GNAQ: variants seen among roughly 807,000 people sequenced by gnomAD.
The protein encoded by GNAQ is G protein subunit alpha q, also known as guanine nucleotide-binding protein G(q) subunit alpha.
A neutral mutation model predicts 43.9 loss-of-function variants in GNAQ; 8 were observed. That is an observed-to-expected ratio of 0.18 (90% CI 0.11 to 0.33). The LOEUF is 0.33. GNAQ is among the 10% of genes least tolerant of loss of function. The pLI, the probability that GNAQ is intolerant of heterozygous loss-of-function variation, is 1.00. For synonymous variants in GNAQ, 155 were observed against 170.7 expected, an observed-to-expected ratio of 0.91 and a Z score of 0.71; for missense variants, 158 against 450.8, an observed-to-expected ratio of 0.35 and a Z score of 5.88.
chr9:77,774,460 A>T (rs1353722485), intron 5 of GNAQ, among the ~76,000 whole-genome samples: 1 of 152,190 alleles, frequency 6.6e-6, no homozygotes, highest in Non-Finnish European at 1.5e-5. Context: ...TTAAAAAAAT[A>T]AAAGAAAAGA....
chr9:77,756,873 A>G (rs1247748872), intron 5 of GNAQ, among the ~76,000 whole-genome samples: 2 of 152,186 alleles, frequency 1.3e-5, no homozygotes, highest in Non-Finnish European at 2.9e-5. Flanking sequence ...GCTATGATTC[A>G]TTGTTATTCT....
chr9:77,930,042 G>A (rs142801360), intron 1 of GNAQ, among the ~76,000 whole-genome samples: 19 of 152,160 alleles, frequency 1.2e-4, no homozygotes, highest in African/African-American at 3.9e-4. Context: ...TGTAAATAAT[G>A]CTCTGATAAA....
chr9:77,993,829 C>T (rs1445797711), intron 1 of GNAQ, among the ~76,000 whole-genome samples: 2 of 151,962 alleles, frequency 1.3e-5, no homozygotes, highest in African/African-American at 4.8e-5. Flanking sequence ...TATATGAACA[C>T]ATAACTGTAA....
Position 77,774,946 on chromosome 9 carries a change from C to T in GNAQ, c.735+19517G>A, listed in dbSNP as rs555887603. ...CCCAACTATTCAGAAATAATCCCTG[C>T]TAACAGTCTGAATTAATCTTCCAGG... On this transcript the variant is annotated intron_variant, in intron 5 of 6. Transcript: ENST00000286548. 2.0e-5 allele frequency among the ~76,000 whole-genome samples: 3 copies of T among 152,226 alleles called. No individual in the cohort carries two copies. The East Asian group carries it at 5.8e-4, about 29-fold the overall frequency.
intron 5 of GNAQ, among the ~76,000 whole-genome samples, chr9:77,749,830 T>TA (rs943143246): frequency 1.3e-5 from 2 of 152,074 alleles, no homozygotes; most frequent in African/African-American, 4.8e-5. Context: ...ATCCTCCCTA[T>TA]AAAAAAATGC....
At chr9:77,780,368 TTC>T (rs1364503757) in intron 5 of GNAQ, among the ~76,000 whole-genome samples, 5 of 151,986 alleles carry the variant, frequency 3.3e-5, no homozygotes, top group Admixed American at 6.6e-5. Flanking sequence ...GTGTTTAACT[TTC>T]TGTTTCTGGC....
At chr9:77,808,339 A>C (rs1826860846) in intron 3 of GNAQ, among the ~76,000 whole-genome samples, 1 of 151,114 alleles carries the variant, frequency 6.6e-6, no homozygotes, top group African/African-American at 2.4e-5. Context: ...GCATTCACCG[A>C]GGAAGACAAA....
In GNAQ at chr9:77,821,727, GT is replaced by G. The variant is rs1564120917; in HGVS notation, c.322-5958del. On this transcript the variant is annotated intron_variant, in intron 2 of 6. Coordinates refer to ENST00000286548, the MANE Select transcript of GNAQ (RefSeq NM_002072.5). ...GATGTTGTACTATCCTAGTATGGGT[GT>G]GTGTGTGTGTGTGTGTGTGTGTGTG... 3.6e-3 allele frequency among the ~76,000 whole-genome samples: 532 copies of G among 149,110 alleles called. 1 individual carries two copies. Among genetic ancestry groups the G allele is most frequent in the African/African-American group, 5.0e-3 (202 of 40,594 alleles).
At chr9:77,844,920 C>T (rs1381886043) in intron 2 of GNAQ, among the ~76,000 whole-genome samples, 4 of 152,108 alleles carry the variant, frequency 2.6e-5, no homozygotes, top group African/African-American at 9.7e-5. Context: ...GGTGATCTGC[C>T]TGCCTCGGCC....
At chr9:77,827,790 A>G (rs1251303968) in intron 2 of GNAQ, among the ~76,000 whole-genome samples, 3 of 152,120 alleles carry the variant, frequency 2.0e-5, no homozygotes, top group Admixed American at 6.6e-5. Flanking sequence ...TAGAGCATCA[A>G]CATTTTTTAT....
intron 1 of GNAQ, among the ~76,000 whole-genome samples, chr9:78,002,355 GAGA>G (rs1351104690): frequency 6.6e-6 from 1 of 152,110 alleles, no homozygotes; most frequent in Admixed American, 6.6e-5. Flanking sequence ...CAGACACAAA[GAGA>G]AGAACACACC....
intron 2 of GNAQ, among the ~76,000 whole-genome samples, chr9:77,878,241 T>C (rs1325482171): frequency 2.0e-4 from 30 of 151,668 alleles, no homozygotes; most frequent in Admixed American, 1.6e-3. Context: ...TTTTTTTTTT[T>C]TGAAACCCTT....
At chr9:77,970,718 A>T (rs1823227178) in intron 1 of GNAQ, among the ~76,000 whole-genome samples, 1 of 152,162 alleles carries the variant, frequency 6.6e-6, no homozygotes, top group South Asian at 2.1e-4. Context: ...GTAACATCAC[A>T]ATTAAAAGAA....
At chr9:77,867,730 C>A (rs1827970698) in intron 2 of GNAQ, among the ~76,000 whole-genome samples, 1 of 152,146 alleles carries the variant, frequency 6.6e-6, no homozygotes, top group African/African-American at 2.4e-5. Flanking sequence ...GGAGAACAAT[C>A]CAGACTCTCA....
At chr9:77,964,672 A>C (rs1587434525) in intron 1 of GNAQ, among the ~76,000 whole-genome samples, 1 of 151,718 alleles carries the variant, frequency 6.6e-6, no homozygotes, top group South Asian at 2.1e-4. Context: ...AATAAAACAA[A>C]AACAACAAGA....
chr9:77,815,224 G>A (rs990037437), intron 3 of GNAQ, among the ~76,000 whole-genome samples: 2 of 152,192 alleles, frequency 1.3e-5, no homozygotes, highest in Admixed American at 6.5e-5. Context: ...TTTCTAATGT[G>A]TGTAGGTGTT....
intron 5 of GNAQ, among the ~76,000 whole-genome samples, chr9:77,774,122 C>T (rs1037660973): frequency 1.5e-4 from 23 of 152,088 alleles, no homozygotes; most frequent in Non-Finnish European, 3.2e-4. Context: ...TGATTATCTA[C>T]ATTGTAGAGC....
chr9:78,007,350 A>G (rs905959887), intron 1 of GNAQ, among the ~76,000 whole-genome samples: 8 of 151,492 alleles, frequency 5.3e-5, no homozygotes, highest in Admixed American at 3.9e-4. Context: ...TTAATAAGTG[A>G]TATAATTTCA....
chr9:77,769,230 A>G (rs1432898334), intron 5 of GNAQ, among the ~76,000 whole-genome samples: 1 of 152,038 alleles, frequency 6.6e-6, no homozygotes, highest in Non-Finnish European at 1.5e-5. Flanking sequence ...GTGAATCCCC[A>G]TCTCTACCAA....
Sources: gnomAD v4.1 joint callset for allele counts (sites outside exome capture counted in the v4.1 genomes callset) on GRCh38, gnomAD v4.1.1 for gene constraint, MANE v1.5 for transcripts, NCBI Gene and HGNC (gene_info 2026-07-23, HGNC 2026-07-21) for gene names.